GABRG3: variants seen among roughly 807,000 people sequenced by gnomAD.
GABRG3 encodes gamma-aminobutyric acid receptor subunit gamma-3.
GABRG3 carries 25 observed loss-of-function variants against 48.8 expected under a neutral mutation model. That is an observed-to-expected ratio of 0.51 (90% confidence interval 0.37 to 0.72). The LOEUF (loss-of-function observed/expected upper bound fraction) is 0.72. Ranked by LOEUF, GABRG3 falls within the 30% of genes least tolerant of loss-of-function variation. The pLI, the probability that GABRG3 is intolerant of heterozygous loss-of-function variation, is 0.00. For missense variants in GABRG3, 394 were observed against 577.9 expected (o/e 0.68, Z 3.26); for synonymous variants, 227 against 217.6 (o/e 1.04, Z -0.38).
chr15:27,195,645 T>C lies in GABRG3; in HGVS notation c.271-131164T>C, dbSNP rs1888471546. Among the ~76,000 whole-genome samples the C allele has an allele frequency of 2.0e-5, 3 of 151,748 alleles. No individual in the cohort carries two copies. The South Asian group carries it at 6.3e-4, about 32-fold the overall frequency. ...ATGTTTTTGTTTGTTTGTTTTGTTT[T>C]TGTTTTTGAGAAAGAGTCTCACTCT... On this transcript the variant is annotated intron_variant, in intron 3 of 9. Transcript: ENST00000615808.
At chr15:26,981,635 G>A (rs1595453881) in intron 2 of GABRG3, among the ~76,000 whole-genome samples, 3 of 152,284 alleles carry the variant, frequency 2.0e-5, no homozygotes, top group East Asian at 3.9e-4. Context: ...TATTTGGCCA[G>A]GAGGGAAGTG....
chr15:27,066,564 C>G (rs941594034), intron 3 of GABRG3, among the ~76,000 whole-genome samples: 2 of 152,238 alleles, frequency 1.3e-5, no homozygotes, highest in East Asian at 1.9e-4. Flanking sequence ...AAGTAGACCT[C>G]AGGCCACCAG....
chr15:27,483,438 T>C (rs1466491464), intron 6 of GABRG3: 3 of 152,246 alleles, frequency 2.0e-5, no homozygotes, highest in Non-Finnish European at 4.4e-5. Context: ...TTAACCATTT[T>C]CAAAGTCTCT....
At chr15:27,024,856 G>C (rs61998076) in intron 2 of GABRG3, among the ~76,000 whole-genome samples, 1 of 151,770 alleles carries the variant, frequency 6.6e-6, no homozygotes, top group East Asian at 1.9e-4. Flanking sequence ...GTGAAACCCC[G>C]TCTCTACTAA....
At chr15:27,008,789 C>T (rs762307137) in intron 2 of GABRG3, among the ~76,000 whole-genome samples, 20 of 152,246 alleles carry the variant, frequency 1.3e-4, no homozygotes, top group African/African-American at 3.6e-4. Context: ...CTTTCAGGGT[C>T]GCCGTGAGCG....
intron 3 of GABRG3, among the ~76,000 whole-genome samples, chr15:27,097,914 A>AT (rs536456926): frequency 1.3e-5 from 2 of 150,482 alleles, no homozygotes; most frequent in African/African-American, 2.5e-5. Flanking sequence ...TTATTAGCTA[A>AT]TTTTTTTCTT....
intron 3 of GABRG3, among the ~76,000 whole-genome samples, chr15:27,216,747 A>ATTTATTTATTTAT (rs1889263704): frequency 1.0e-5 from 1 of 96,742 alleles, no homozygotes; most frequent in Non-Finnish European, 2.1e-5. Flanking sequence ...TTTTTTTTTT[A>ATTTATTTATTTAT]TTTTTTATTT....
At chr15:27,381,150 C>T (rs1442447701) in intron 5 of GABRG3, among the ~76,000 whole-genome samples, 2 of 152,048 alleles carry the variant, frequency 1.3e-5, no homozygotes, top group Non-Finnish European at 2.9e-5. Context: ...CCATTGTTGC[C>T]CCCATCTTTA....
chr15:27,109,658 G>A (rs1391883312), intron 3 of GABRG3, among the ~76,000 whole-genome samples: 3 of 152,160 alleles, frequency 2.0e-5, no homozygotes, highest in African/African-American at 7.2e-5. Flanking sequence ...TGAGGTGGGC[G>A]AATCACCCGG....
rs11857855 is a variant in GABRG3 at position 27,063,734 on chromosome 15, C to G, written c.270+36913C>G. On this transcript the variant is annotated intron_variant, in intron 3 of 9. Coordinates refer to ENST00000615808, the MANE Select transcript of GABRG3 (RefSeq NM_033223.5). Reference sequence around the variant, plus strand: ...ACCTTAGGAATGAGCCAGCTCAGGCCAGGTGGGGTTGCCCTGCAGCCTGGC... The same window carrying G: ...ACCTTAGGAATGAGCCAGCTCAGGCGAGGTGGGGTTGCCCTGCAGCCTGGC... Among the ~76,000 whole-genome samples, 1,311 of 152,298 alleles carry G rather than the reference C, an allele frequency of 8.6e-3. 21 individuals are homozygous for G. The highest frequency in any genetic ancestry group is 0.03 in the African/African-American group (1,260 of 41,568).
rs887306148 is a variant in GABRG3 at position 27,011,820 on chromosome 15, G to C, written c.203-14934G>C. Among the ~76,000 whole-genome samples the C allele has an allele frequency of 2.0e-5, 3 of 150,394 alleles. No homozygotes were observed. In the South Asian group the frequency reaches 6.4e-4, roughly 32 times the overall value. ...CAGAGATCATGCCACTGTACTCCAG[G>C]CTGGGCGACAGAGCAAGACTCCGTC... On this transcript the variant is annotated intron_variant, in intron 2 of 9. Coordinates refer to ENST00000615808, the MANE Select transcript of GABRG3 (RefSeq NM_033223.5).
chr15:27,143,264 G>T (rs1233199838), intron 3 of GABRG3, among the ~76,000 whole-genome samples: 2 of 152,178 alleles, frequency 1.3e-5, no homozygotes, highest in African/African-American at 4.8e-5. Flanking sequence ...TTTTTTGTAG[G>T]GATGGGGGTC....
At chr15:27,112,519 C>T (rs1478864158) in intron 3 of GABRG3, among the ~76,000 whole-genome samples, 1 of 146,614 alleles carries the variant, frequency 6.8e-6, no homozygotes, top group African/African-American at 2.5e-5. Context: ...CAGCTTACTT[C>T]AACCTCTGCC....
chr15:27,138,785 A>G (rs1898052888), intron 3 of GABRG3, among the ~76,000 whole-genome samples: 1 of 152,218 alleles, frequency 6.6e-6, no homozygotes, highest in Non-Finnish European at 1.5e-5. Flanking sequence ...TGAGTCCTAT[A>G]TCATTCTGAA....
rs906502971 is a variant in GABRG3 at position 27,447,199 on chromosome 15, C to A, written c.575-33451C>A. ...AAGGCAAGGCTTGGGAAGAAGGTTC[C>A]CATTCCAACCAGAGACATAATTATA... is the stretch of plus-strand genomic sequence containing the variant. On this transcript the variant is annotated intron_variant, in intron 5 of 9. Coordinates refer to ENST00000615808, the MANE Select transcript of GABRG3 (RefSeq NM_033223.5). This position sits in a 1 kb window ranked among gnomAD's most constrained non-coding sequence, Gnocchi z 4.0. Among the ~76,000 whole-genome samples the A allele has an allele frequency of 4.6e-5, 7 of 152,130 alleles. No homozygotes were observed. Among genetic ancestry groups the A allele is most frequent in the African/African-American group, 1.7e-4 (7 of 41,416 alleles).
At chr15:27,479,971 TCAGGGAGC>T (rs1268129483) in intron 5 of GABRG3, among the ~76,000 whole-genome samples, 2 of 152,204 alleles carry the variant, frequency 1.3e-5, no homozygotes, top group African/African-American at 2.4e-5. Context: ...CAGCTCTGGC[TCAGGGAGC>T]CAGGGAGCCC....
intron 5 of GABRG3, among the ~76,000 whole-genome samples, chr15:27,418,496 A>G (rs1451676448): frequency 6.6e-6 from 1 of 152,260 alleles, no homozygotes; most frequent in East Asian, 1.9e-4. Context: ...CCGCAGAGAC[A>G]GGCACCAGCC....
intron 5 of GABRG3, among the ~76,000 whole-genome samples, chr15:27,350,629 C>T (rs946425469): frequency 6.6e-5 from 10 of 152,132 alleles, no homozygotes; most frequent in African/African-American, 2.2e-4. Context: ...GGGAGTCCAG[C>T]GCATCAACAC....
At chr15:27,251,739 A>C (rs921561597) in intron 3 of GABRG3, among the ~76,000 whole-genome samples, 1 of 152,204 alleles carries the variant, frequency 6.6e-6, no homozygotes, top group African/African-American at 2.4e-5. Flanking sequence ...TACACAGTGC[A>C]CAAGTAGAGT....
Sources: gnomAD v4.1 joint callset for allele counts (sites outside exome capture counted in the v4.1 genomes callset) on GRCh38, gnomAD v4.1.1 for gene constraint, Gnocchi (gnomAD v3.1) non-coding constraint, MANE v1.5 for transcripts, NCBI Gene and HGNC (gene_info 2026-07-23, HGNC 2026-07-21) for gene names.